RBFOX1: variants seen among roughly 807,000 people sequenced by gnomAD.
RBFOX1 encodes RNA binding protein fox-1 homolog 1.
A neutral mutation model predicts 57.7 loss-of-function variants in RBFOX1; 8 were observed. That is an observed-to-expected ratio of 0.14 (90% CI 0.08 to 0.25). RBFOX1 has a LOEUF of 0.25. Among genes scored for constraint, RBFOX1 ranks in the 10% least tolerant of loss-of-function variants. RBFOX1 has a pLI of 1.00. For missense variants in RBFOX1, 611 were observed against 548.5 expected, an observed-to-expected ratio of 1.11 and a Z score of -1.14; for synonymous variants, 326 against 222.4, an observed-to-expected ratio of 1.47 and a Z score of -4.15.
At chr16:6,213,781 T>C (rs764939248) in intron 1 of RBFOX1, among the ~76,000 whole-genome samples, 1 of 152,218 alleles carries the variant, frequency 6.6e-6, no homozygotes, top group African/African-American at 2.4e-5. Flanking sequence ...GCATTCACCA[T>C]GCTCAGTCTC....
At chr16:5,926,977 T>C (rs1306651430) in intron 4 of RBFOX1, among the ~76,000 whole-genome samples, 2 of 152,200 alleles carry the variant, frequency 1.3e-5, no homozygotes, top group Admixed American at 6.5e-5. Flanking sequence ...ATCCACAGTC[T>C]TAGCCATCAA....
At chr16:7,555,409 T>C (rs1553613) in intron 5 of RBFOX1, among the ~76,000 whole-genome samples, 142,598 of 152,248 alleles carry the variant, frequency 0.94, 67,100 homozygotes, top group Middle Eastern at 0.99. Context: ...TTCCTCGTTC[T>C]GATAAATGCA....
At chr16:6,631,926 G>T (rs553325383) in intron 2 of RBFOX1, among the ~76,000 whole-genome samples, 113 of 152,272 alleles carry the variant, frequency 7.4e-4, no homozygotes, top group African/African-American at 2.6e-3. Context: ...AGGTAGGAGA[G>T]GTCAGTAGCG....
chr16:5,818,515 T>G (rs1168940292), intron 3 of RBFOX1, among the ~76,000 whole-genome samples: 2 of 152,188 alleles, frequency 1.3e-5, no homozygotes, highest in African/African-American at 4.8e-5. Context: ...AGGCTCACCT[T>G]CTGAAATCCG....
chr16:6,976,713 A>G (rs1598894604), intron 3 of RBFOX1, among the ~76,000 whole-genome samples: 1 of 148,764 alleles, frequency 6.7e-6, no homozygotes, highest in African/African-American at 2.5e-5. Context: ...CATATAGCAT[A>G]CATATCATAT....
chr16:7,295,057 A>G (rs1301093183), intron 4 of RBFOX1, among the ~76,000 whole-genome samples: 1 of 152,186 alleles, frequency 6.6e-6, no homozygotes, highest in Non-Finnish European at 1.5e-5. Context: ...TCTAACATGT[A>G]TTACGCTTGT....
intron 4 of RBFOX1, among the ~76,000 whole-genome samples, chr16:6,000,039 G>C (rs1386990026): frequency 6.6e-6 from 1 of 152,108 alleles, no homozygotes; most frequent in South Asian, 2.1e-4. Flanking sequence ...TAGGCAGGCT[G>C]TGTGGGATGA....
intron 3 of RBFOX1, among the ~76,000 whole-genome samples, chr16:6,911,323 C>A (rs60990425): frequency 0.019 from 2,870 of 152,094 alleles, 97 homozygotes; most frequent in African/African-American, 0.066. Context: ...TTTTGCCTTA[C>A]ACTTGTGGAG....
At chr16:6,756,352 C>G (rs1379530819) in intron 3 of RBFOX1, among the ~76,000 whole-genome samples, 2 of 152,262 alleles carry the variant, frequency 1.3e-5, no homozygotes, top group African/African-American at 4.8e-5. Flanking sequence ...AAACCCAATA[C>G]TATAAAACTA....
rs1212703838 is a variant in RBFOX1, at chr16:7,194,735, C to T, written c.27+142637C>T. 2.0e-5 allele frequency among the ~76,000 whole-genome samples: 3 copies of T among 151,356 alleles called. No homozygotes were observed. In the East Asian group the frequency reaches 5.9e-4, roughly 30 times the overall value. On this transcript the variant is annotated intron_variant, in intron 4 of 15. Transcript: ENST00000550418. ...CTGAGCCCTGGAGTGCAAGACCAGCCTGGGGAATATAGTCAAACCTCATCT... is the reference window on the plus strand; with the variant it reads ...CTGAGCCCTGGAGTGCAAGACCAGCTTGGGGAATATAGTCAAACCTCATCT...
At chr16:5,893,279 C>A (rs1266863430) in intron 4 of RBFOX1, among the ~76,000 whole-genome samples, 1 of 152,056 alleles carries the variant, frequency 6.6e-6, no homozygotes, top group African/African-American at 2.4e-5. Flanking sequence ...TACGTGGCAG[C>A]CTTTGAAGGT....
chr16:7,178,725 C>T (rs113031634), intron 4 of RBFOX1, among the ~76,000 whole-genome samples: 6 of 152,082 alleles, frequency 3.9e-5, no homozygotes, highest in East Asian at 1.9e-4. Flanking sequence ...AATCACATGC[C>T]GGACCTCAGA....
At chr16:6,531,008 A>G (rs1299480965) in intron 2 of RBFOX1, among the ~76,000 whole-genome samples, 1 of 152,194 alleles carries the variant, frequency 6.6e-6, no homozygotes, top group Non-Finnish European at 1.5e-5. Flanking sequence ...TGCATCGCAC[A>G]GGCCATTGTC....
At position 6,743,830 on chromosome 16, in the gene RBFOX1, AAAAAAT is replaced by A. The variant is rs1162038114; in HGVS notation, c.-16+89181_-16+89186del. ...TTTTTCTCATGTGTTTTGACTATTT[AAAAAAT>A]CATGTTCATTTATTTCTGATTATTT... is the stretch of plus-strand genomic sequence containing the variant. On this transcript the variant is annotated intron_variant, in intron 3 of 15. Transcript: ENST00000550418. Among the ~76,000 whole-genome samples, 545 of 148,788 alleles carry A rather than the reference AAAAAAT, an allele frequency of 3.7e-3. 34 individuals carry two copies. The highest frequency in any genetic ancestry group is 0.013 in the African/African-American group (536 of 39,824).
intron 4 of RBFOX1, among the ~76,000 whole-genome samples, chr16:7,139,757 A>T (rs1364312343): frequency 6.6e-6 from 1 of 152,016 alleles, no homozygotes; most frequent in Non-Finnish European, 1.5e-5. Context: ...CATTGATTGG[A>T]TTCTTTTTTT....
At chr16:5,304,630 C>G (rs181599973) in intron 1 of RBFOX1, among the ~76,000 whole-genome samples, 1 of 152,134 alleles carries the variant, frequency 6.6e-6, no homozygotes, top group Non-Finnish European at 1.5e-5. Flanking sequence ...ATCCTGGGGA[C>G]ATTAGTAGTG....
chr16:5,323,335 A>G (rs1449409427), intron 1 of RBFOX1, among the ~76,000 whole-genome samples: 2 of 152,194 alleles, frequency 1.3e-5, no homozygotes, highest in Admixed American at 6.5e-5. Context: ...CATTTTACCA[A>G]AAAGCATGGC....
intron 1 of RBFOX1, among the ~76,000 whole-genome samples, chr16:6,184,774 G>A (rs1483401763): frequency 1.3e-5 from 2 of 149,750 alleles, no homozygotes; most frequent in Non-Finnish European, 3.0e-5. Context: ...TCGCCATGTT[G>A]GCCAGGATGG....
At chr16:7,118,996 C>G (rs756248574) in intron 4 of RBFOX1, among the ~76,000 whole-genome samples, 2 of 152,082 alleles carry the variant, frequency 1.3e-5, no homozygotes, top group Admixed American at 6.6e-5. Context: ...TTAGTCAGTT[C>G]TGTGTGCCAG....
Sources: allele counts gnomAD v4.1 joint callset (sites outside exome capture counted in the v4.1 genomes callset), GRCh38; gene constraint gnomAD v4.1.1; transcripts MANE v1.5; gene names NCBI Gene and HGNC (gene_info 2026-07-23, HGNC 2026-07-21).